The following GP1BA variants were observed in gnomAD, a reference collection of about 807,000 sequenced individuals.
GP1BA encodes the protein glycoprotein Ib platelet subunit alpha.
In GP1BA, 3 loss-of-function variants were observed where a neutral mutation model predicts 5.6. The observed-to-expected ratio is 0.53, with a 90% CI of 0.24 to 1.38. GP1BA has a LOEUF of 1.38. Among genes scored for constraint, GP1BA ranks in the 40% most tolerant of loss-of-function variants. The pLI, the probability that GP1BA is intolerant of heterozygous loss-of-function variation, is 0.16. For missense variants in GP1BA, 707 were observed against 801.4 expected, an observed-to-expected ratio of 0.88 and a Z score of 1.42; for synonymous variants, 323 against 358.3, an observed-to-expected ratio of 0.90 and a Z score of 1.11.
chr17:4,932,310 A>G lies in GP1BA; in HGVS notation c.-62A>G. 1 of 1,265,586 alleles carries G rather than the reference A, an allele frequency of 7.9e-7. No homozygotes were observed. The highest frequency in any genetic ancestry group is 1.0e-6 in the Non-Finnish European group (1 of 996,476). The allele number at this position is 1,265,586 out of a possible 1,614,324, so 78.4% of individuals were successfully genotyped here. ...ATGGGGCTAGAAGAGAGAAGGACGG[A>G]GTCGAGTGGCACCCTAGAAGACGCT... On this transcript the variant is annotated 5_prime_UTR_variant, in exon 1 of 2. Coordinates refer to ENST00000329125, the MANE Select transcript of GP1BA (RefSeq NM_000173.7). This position sits in a 1 kb window ranked among gnomAD's most constrained non-coding sequence, Gnocchi z 4.8.
Position 4,933,789 on chromosome 17 carries a change from C to T in GP1BA, c.1185C>T (p.Pro395=), listed in dbSNP as rs953083645. The T allele has an allele frequency of 3.7e-6, 6 of 1,613,134 alleles. No homozygotes were observed. The highest frequency in any genetic ancestry group is 4.2e-6 in the Non-Finnish European group (5 of 1,179,660). Residue 395 remains proline (P), a synonymous_variant, in exon 2 of 2, where the codon CCC becomes CCT. Transcript: ENST00000329125. ...CCACCTCAGAGCCCGTCCCGGAGCC[C>T]GCCCCAAACATGACCACCCTGGAGC... ...SPTTSEPVPE[P]APNMTTLEPT...
rs1463264419 is a variant in GP1BA, at chr17:4,932,471, G to C, written c.-7+106G>C. The C allele has an allele frequency of 2.3e-6, 3 of 1,283,384 alleles. No homozygotes were observed. The highest frequency in any genetic ancestry group is 1.5e-5 in the South Asian group (1 of 64,530). 79.5% of individuals were successfully genotyped at this position (1,283,384 alleles called of 1,614,324 possible). The stretch of plus-strand genomic sequence containing the variant: ...GTTCTGCAGGCAAGGGTGGGAGATG[G>C]GAGTAGGGAGGACAGGAGGTGTGGA... On this transcript the variant is annotated intron_variant, in intron 1 of 1. Transcript: ENST00000329125. The surrounding 1 kb of genome is among the most constrained non-coding windows in gnomAD (Gnocchi z 4.8).
In GP1BA at chr17:4,932,868, C is replaced by T. The variant is rs755711021; in HGVS notation, c.264C>T (p.Val88=). Residue 88 remains valine, a synonymous_variant, in exon 2 of 2, where the codon GTC becomes GTT. Transcript: ENST00000329125. This position sits in a 1 kb window ranked among gnomAD's most constrained non-coding sequence, Gnocchi z 4.8. ...LDRCELTKLQ[V]DGTLPVLGTL... ...GGTGCGAGCTCACCAAGCTCCAGGT[C>T]GATGGGACGCTGCCAGTGCTGGGGA... 38 of 1,613,896 alleles carry T rather than the reference C, an allele frequency of 2.4e-5. No individual in the cohort carries two copies. The highest frequency in any genetic ancestry group is 3.1e-5 in the Non-Finnish European group (37 of 1,179,900).
In GP1BA at chr17:4,933,069, G is replaced by GC. The variant is rs1597638753; in HGVS notation, c.470dup (p.Gly158ArgfsTer16). The GC allele has an allele frequency of 2.5e-6, 4 of 1,614,000 alleles. No individual in the cohort carries two copies. Among genetic ancestry groups the GC allele is most frequent in the Non-Finnish European group, 3.4e-6 (4 of 1,179,892 alleles). ...TGAAAGGCAATGAGCTGAAGACCCT[G>GC]CCCCCAGGGCTCCTGACGCCCACAC... On this transcript the variant is annotated frameshift_variant, in exon 2 of 2. Transcript: ENST00000329125. LOFTEE classifies it low-confidence loss of function (END_TRUNC).
rs760943372 is a variant in GP1BA at position 4,934,174 on chromosome 17, G to T, written c.1570G>T (p.Asp524Tyr). The change falls in exon 2 of 2, where the codon GAC (aspartate) becomes TAC (tyrosine). Residue 524 changes from aspartate (D) to tyrosine (Y), a missense_variant. Coordinates refer to ENST00000329125, the MANE Select transcript of GP1BA (RefSeq NM_000173.7). ...CAGAAATGACCCTTTTCTCCACCCCGACTTTTGCTGCCTCCTCCCCCTGGG... is the reference window on the plus strand; with the variant it reads ...CAGAAATGACCCTTTTCTCCACCCCTACTTTTGCTGCCTCCTCCCCCTGGG... ...SSRNDPFLHP[D>Y]FCCLLPLGFY... 6.2e-7 allele frequency: 1 copy of T among 1,613,666 alleles called. No homozygotes were observed. Among genetic ancestry groups the T allele is most frequent in the Non-Finnish European group, 8.5e-7 (1 of 1,179,824 alleles).
Position 4,933,612 on chromosome 17 carries a change from C to G in GP1BA, c.1008C>G (p.Ser336Arg), listed in dbSNP as rs758238155. 15 of 1,613,820 alleles carry G rather than the reference C, an allele frequency of 9.3e-6. No homozygotes were observed. The highest frequency in any genetic ancestry group is 1.2e-5 in the Non-Finnish European group (14 of 1,179,868). ...FYSWSTASLD[S>R]QMPSSLHPTQ... ...CATGGTCCACTGCTTCTCTAGACAG[C>G]CAAATGCCCTCCTCCTTGCATCCAA... Residue 336 changes from serine to arginine, a missense_variant, in exon 2 of 2, where the codon AGC becomes AGG. Coordinates refer to ENST00000329125, the MANE Select transcript of GP1BA (RefSeq NM_000173.7).
Position 4,933,514 on chromosome 17 carries a change from A to C in GP1BA, c.910A>C (p.Lys304Gln). 1 of 1,613,852 alleles carries C rather than the reference A, an allele frequency of 6.2e-7. No individual in the cohort carries two copies. Among genetic ancestry groups the C allele is most frequent in the South Asian group, 1.1e-5 (1 of 91,074 alleles). ...CCCAGAAGAGGACACTGAGGGCGAT[A>C]AGGTGCGTGCCACAAGGACTGTGGT... Reference protein sequence around the residue: ...YYPEEDTEGDKVRATRTVVKF... With the variant: ...YYPEEDTEGDQVRATRTVVKF... The change falls in exon 2 of 2, where the codon AAG (lysine) becomes CAG (glutamine). Residue 304 changes from lysine (K) to glutamine (Q), a missense_variant. Coordinates refer to ENST00000329125, the MANE Select transcript of GP1BA (RefSeq NM_000173.7).
Position 4,933,686 on chromosome 17 carries a change from C to T in GP1BA, c.1082C>T (p.Pro361Leu). Residue 361 changes from proline to leucine, a missense_variant, in exon 2 of 2, where the codon CCA becomes CTA. Physicochemically the swap from Pro to Leu is moderately conservative, Grantham distance 98. This residue lies in a region of GP1BA where 442 missense variants were observed against 498.8 expected (regional missense o/e 0.89). Coordinates refer to ENST00000329125, the MANE Select transcript of GP1BA (RefSeq NM_000173.7). ...EQTTFPPRWTPNFTLHMESIT... is the reference protein window; with the variant it reads ...EQTTFPPRWTLNFTLHMESIT... ...ACCACATTCCCACCTAGATGGACCCCAAATTTCACACTTCACATGGAATCC... is the reference window on the plus strand; with the variant it reads ...ACCACATTCCCACCTAGATGGACCCTAAATTTCACACTTCACATGGAATCC... 1 of 1,613,938 alleles carries T rather than the reference C, an allele frequency of 6.2e-7. No individual in the cohort carries two copies. The highest frequency in any genetic ancestry group is 8.5e-7 in the Non-Finnish European group (1 of 1,179,886).
In GP1BA at chr17:4,934,519, C is replaced by T; in HGVS notation, c.1915C>T (p.Leu639=). 2 of 1,614,044 alleles carry T rather than the reference C, an allele frequency of 1.2e-6. No homozygotes were observed. Among genetic ancestry groups the T allele is most frequent in the Non-Finnish European group, 1.7e-6 (2 of 1,179,908 alleles). Residue 639 remains leucine (L), a synonymous_variant, in exon 2 of 2, where the codon CTG becomes TTG. Transcript: ENST00000329125. ...SALSQGRGQD[L]LSTVSIRYSG... Reference sequence around the variant, plus strand: ...TCTGAGTCAGGGTCGTGGTCAGGACCTGCTGAGCACAGTGAGCATTAGGTA... The same window carrying T: ...TCTGAGTCAGGGTCGTGGTCAGGACTTGCTGAGCACAGTGAGCATTAGGTA...
In GP1BA at chr17:4,934,909, C is replaced by T. The variant is rs775875958; in HGVS notation, c.*346C>T. On this transcript the variant is annotated 3_prime_UTR_variant, in exon 2 of 2. Transcript: ENST00000329125. ...AGTGATTTATCAGGATGTGAGCACT[C>T]GTTGTGTCTGGATGTTACAAATATG... 5.9e-5 allele frequency: 21 copies of T among 354,436 alleles called. No individual in the cohort carries two copies. The highest frequency in any genetic ancestry group is 1.3e-4 in the African/African-American group (6 of 47,750). 22.0% of individuals were successfully genotyped at this position (354,436 alleles called of 1,614,324 possible). A position where few individuals can be genotyped will look rare whatever the true frequency, so the allele number is the denominator to read the frequency against.
At position 4,933,457 on chromosome 17, in the gene GP1BA, G is replaced by A. The variant is rs1441892822; in HGVS notation, c.853G>A (p.Asp285Asn). 1 of 1,613,856 alleles carries A rather than the reference G, an allele frequency of 6.2e-7. No homozygotes were observed. Among genetic ancestry groups the A allele is most frequent in the East Asian group, 2.2e-5 (1 of 44,892 alleles). Reference sequence around the variant, plus strand: ...AGGAAAGGGGTGCCCCACCCTTGGTGATGAAGGTGACACAGACCTATATGA... The same window carrying A: ...AGGAAAGGGGTGCCCCACCCTTGGTAATGAAGGTGACACAGACCTATATGA... Reference protein sequence around the residue: ...YPGKGCPTLGDEGDTDLYDYY... With the variant: ...YPGKGCPTLGNEGDTDLYDYY... The change falls in exon 2 of 2, where the codon GAT becomes AAT. Residue 285 changes from aspartate (D) to asparagine (N), a missense_variant. Asp to Asn is a conservative substitution (Grantham distance 23). Transcript: ENST00000329125.
At position 4,932,678 on chromosome 17, in the gene GP1BA, T is replaced by C. The variant is rs1438163121; in HGVS notation, c.74T>C (p.Val25Ala). 6 of 1,613,856 alleles carry C rather than the reference T, an allele frequency of 3.7e-6. No homozygotes were observed. The highest frequency in any genetic ancestry group is 5.1e-6 in the Non-Finnish European group (6 of 1,179,848). ...HPHPICEVSK[V>A]ASHLEVNCDK... ...CACCCCATCTGTGAGGTCTCCAAAGTGGCCAGCCACCTAGAAGTGAACTGT... is the reference window on the plus strand; with the variant it reads ...CACCCCATCTGTGAGGTCTCCAAAGCGGCCAGCCACCTAGAAGTGAACTGT... Residue 25 changes from valine (V) to alanine (A), a missense_variant, in exon 2 of 2, where the codon GTG (valine) becomes GCG (alanine). Physicochemically the swap from Val to Ala is moderately conservative, Grantham distance 64. Around this residue, in one of 3 missense-constraint regions of GP1BA, gnomAD observed 442 missense variants for 498.8 expected, o/e 0.89. Transcript: ENST00000329125. The surrounding 1 kb of genome is among the most constrained non-coding windows in gnomAD (Gnocchi z 4.8).
chr17:4,932,441 T>G lies in GP1BA; in HGVS notation c.-7+76T>G, dbSNP rs1970355168. The G allele has an allele frequency of 7.5e-7, 1 of 1,341,562 alleles. No individual in the cohort carries two copies. Among genetic ancestry groups the G allele is most frequent in the African/African-American group, 1.5e-5 (1 of 67,650 alleles). 83.1% of individuals were successfully genotyped at this position (1,341,562 alleles called of 1,614,324 possible). ...GAGCCAAGGACCTGGAGCTAGTAGT[T>G]TTAAGTTCTGCAGGCAAGGGTGGGA... On this transcript the variant is annotated intron_variant, in intron 1 of 1. Transcript: ENST00000329125. The surrounding 1 kb of genome is among the most constrained non-coding windows in gnomAD (Gnocchi z 4.8).
Position 4,934,782 on chromosome 17 carries a change from C to G in GP1BA, c.*219C>G. 1 of 611,582 alleles carries G rather than the reference C, an allele frequency of 1.6e-6. No individual in the cohort carries two copies. Among genetic ancestry groups the G allele is most frequent in the Non-Finnish European group, 3.0e-6 (1 of 337,216 alleles). 37.9% of individuals were successfully genotyped at this position (611,582 alleles called of 1,614,324 possible). A position where few individuals can be genotyped will look rare whatever the true frequency, so the allele number is the denominator to read the frequency against. ...GACTTGGCGGGGGGACAAGACAAAG[C>G]TCCCGATGCTGCATGGGGCGCTGCC... On this transcript the variant is annotated 3_prime_UTR_variant, in exon 2 of 2. Coordinates refer to ENST00000329125, the MANE Select transcript of GP1BA (RefSeq NM_000173.7).
rs1970357461 is a variant in GP1BA at position 4,932,614 on chromosome 17, C to T, written c.10C>T (p.Leu4Phe). 6.2e-7 allele frequency: 1 copy of T among 1,613,288 alleles called. No individual in the cohort carries two copies. Among genetic ancestry groups the T allele is most frequent in the South Asian group, 1.1e-5 (1 of 91,044 alleles). ...TTGCCCACAGGTCCTCATGCCTCTC[C>T]TCCTCTTGCTGCTCCTGCTGCCAAG... MPL[L>F]LLLLLLPSPL... is the part of the protein sequence containing the mutation. The change falls in exon 2 of 2, where the codon CTC becomes TTC. Residue 4 changes from leucine to phenylalanine, a missense_variant. Leu to Phe is a conservative substitution (Grantham distance 22). Around this residue, in one of 3 missense-constraint regions of GP1BA, gnomAD observed 442 missense variants for 498.8 expected, o/e 0.89. Coordinates refer to ENST00000329125, the MANE Select transcript of GP1BA (RefSeq NM_000173.7). This position sits in a 1 kb window ranked among gnomAD's most constrained non-coding sequence, Gnocchi z 4.8.
Position 4,933,504 on chromosome 17 carries a change from T to C in GP1BA, c.900T>C (p.Thr300=). 4.3e-6 allele frequency: 7 copies of C among 1,613,900 alleles called. No individual in the cohort carries two copies. The highest frequency in any genetic ancestry group is 5.9e-6 in the Non-Finnish European group (7 of 1,179,852). ...DLYDYYPEED[T]EGDKVRATRT... is the part of the protein sequence containing the mutation. ...ATGATTACTACCCAGAAGAGGACAC[T>C]GAGGGCGATAAGGTGCGTGCCACAA... Residue 300 remains threonine (T), a synonymous_variant, in exon 2 of 2, where the codon ACT becomes ACC. Transcript: ENST00000329125.
At position 4,933,563 on chromosome 17, in the gene GP1BA, C is replaced by A; in HGVS notation, c.959C>A (p.Thr320Lys). The A allele has an allele frequency of 1.2e-6, 2 of 1,613,932 alleles. No individual in the cohort carries two copies. Among genetic ancestry groups the A allele is most frequent in the Non-Finnish European group, 1.7e-6 (2 of 1,179,860 alleles). ...TVVKFPTKAH[T>K]TPWGLFYSWS... ...GTCAAGTTCCCCACCAAAGCCCATA[C>A]AACCCCCTGGGGTCTATTCTACTCA... Residue 320 changes from threonine (T) to lysine (K), a missense_variant, in exon 2 of 2, where the codon ACA (threonine) becomes AAA (lysine). Transcript: ENST00000329125.
In GP1BA at chr17:4,933,658, C is replaced by G; in HGVS notation, c.1054C>G (p.Gln352Glu). Residue 352 changes from glutamine to glutamate, a missense_variant, in exon 2 of 2, where the codon CAG becomes GAG. This residue lies in a region of GP1BA where 442 missense variants were observed against 498.8 expected (regional missense o/e 0.89). Coordinates refer to ENST00000329125, the MANE Select transcript of GP1BA (RefSeq NM_000173.7). ...TCCAACACAAGAATCCACTAAGGAGCAGACCACATTCCCACCTAGATGGAC... is the reference window on the plus strand; with the variant it reads ...TCCAACACAAGAATCCACTAAGGAGGAGACCACATTCCCACCTAGATGGAC... ...LHPTQESTKE[Q>E]TTFPPRWTPN... 2 of 1,613,876 alleles carry G rather than the reference C, an allele frequency of 1.2e-6. No individual in the cohort carries two copies. Among genetic ancestry groups the G allele is most frequent in the Non-Finnish European group, 1.7e-6 (2 of 1,179,798 alleles).
Position 4,933,268 on chromosome 17 carries a change from C to A in GP1BA, c.664C>A (p.Pro222Thr). ...LLPFAFLHGN[P>T]WLCNCEILYF... is the part of the protein sequence containing the mutation. ...GCCTTTTGCTTTTCTCCACGGGAAC[C>A]CCTGGTTATGCAACTGTGAGATCCT... is the stretch of plus-strand genomic sequence containing the variant. The change falls in exon 2 of 2, where the codon CCC (proline) becomes ACC (threonine). Residue 222 changes from proline to threonine, a missense_variant. Physicochemically the swap from Pro to Thr is conservative, Grantham distance 38. Around this residue, in one of 3 missense-constraint regions of GP1BA, gnomAD observed 442 missense variants for 498.8 expected, o/e 0.89. Coordinates refer to ENST00000329125, the MANE Select transcript of GP1BA (RefSeq NM_000173.7). The A allele has an allele frequency of 1.2e-6, 2 of 1,613,978 alleles. No individual in the cohort carries two copies. The highest frequency in any genetic ancestry group is 1.7e-6 in the Non-Finnish European group (2 of 1,179,872).
Sources: allele counts gnomAD v4.1 joint callset, GRCh38; gene constraint gnomAD v4.1.1; regional missense constraint gnomAD v4.1.1; non-coding constraint Gnocchi (gnomAD v3.1); transcripts MANE v1.5; gene names NCBI Gene and HGNC (gene_info 2026-07-23, HGNC 2026-07-21).